Variants in CEP120 observed in about 807,000 individuals in gnomAD.
CEP120 encodes centrosomal protein of 120 kDa.
CEP120 carries 113 observed loss-of-function variants against 126.5 expected under a neutral mutation model. That is an observed-to-expected ratio of 0.89 (90% confidence interval 0.77 to 1.04). CEP120 has a LOEUF of 1.04. CEP120 is among the 50% of genes least tolerant of loss of function. The pLI, the probability that CEP120 is intolerant of heterozygous loss-of-function variation, is 0.00. For missense variants in CEP120, 1,230 were observed against 1,155.7 expected (o/e 1.06, Z -0.93); for synonymous variants, 400 against 394.3 (o/e 1.01, Z -0.17).
intron 1 of CEP120, among the ~76,000 whole-genome samples, chr5:123,419,314 A>G (rs1338855999): frequency 6.6e-6 from 1 of 152,198 alleles, no homozygotes; most frequent in Non-Finnish European, 1.5e-5. Flanking sequence ...GTAAAAACAA[A>G]TTTGCCTGCA....
chr5:123,383,665 A>ACC (rs1771819751), intron 11 of CEP120, among the ~76,000 whole-genome samples: 1 of 152,082 alleles, frequency 6.6e-6, no homozygotes, highest in Admixed American at 6.6e-5. Context: ...TAAATATTTT[A>ACC]CTAGACATAA....
Position 123,394,917 on chromosome 5 carries a change from C to A in CEP120, c.613-1420G>T, listed in dbSNP as rs372614950. Among the ~76,000 whole-genome samples the A allele has an allele frequency of 1.9e-3, 292 of 152,280 alleles. 13 individuals are homozygous for A. The South Asian group carries it at 0.059, about 31-fold the overall frequency. ...ATTACTTAATCACTGTGTGTATGCA[C>A]TTGTTTTAGGGTTGTTGGAAGGATT... On this transcript the variant is annotated intron_variant, in intron 5 of 19. Transcript: ENST00000306467.
upstream of CEP120, chr5:123,423,555 G>T (rs891722807): frequency 6.4e-6 from 1 of 156,948 alleles, no homozygotes; most frequent in African/African-American, 2.4e-5. Flanking sequence ...GGGCGACTTG[G>T]TGTGGGACCA....
chr5:123,347,407 C>G (rs1406455092), intron 19 of CEP120, among the ~76,000 whole-genome samples: 2 of 152,082 alleles, frequency 1.3e-5, no homozygotes, highest in African/African-American at 4.8e-5. Context: ...GAAAAAAATT[C>G]CCTACTATTA....
Position 123,364,573 on chromosome 5 carries a change from C to A in CEP120, c.2503G>T (p.Glu835Ter), listed in dbSNP as rs759784931. 1.2e-6 allele frequency: 2 copies of A among 1,604,846 alleles called. No homozygotes were observed. The highest frequency in any genetic ancestry group is 8.5e-7 in the Non-Finnish European group (1 of 1,174,260). Residue 835 changes from glutamate to a stop codon, truncating the protein, a stop_gained, in exon 18 of 20, where the codon GAA (glutamate) becomes TAA (stop). Coordinates refer to ENST00000306467, the MANE Select transcript of CEP120 (RefSeq NM_001375405.1). LOFTEE classifies it high-confidence loss of function. ...LEKVELERKL[E>*]SATKSKLHYK... ...TGCAGTTTAGACTTAGTTGCAGATTCCAACTTTCTTTCAAGTTCAACCTAA... is the reference window on the plus strand; with the variant it reads ...TGCAGTTTAGACTTAGTTGCAGATTACAACTTTCTTTCAAGTTCAACCTAA...
At chr5:123,355,936 T>G (rs1240035246) in intron 18 of CEP120, among the ~76,000 whole-genome samples, 1 of 150,880 alleles carries the variant, frequency 6.6e-6, no homozygotes, top group South Asian at 2.1e-4. Flanking sequence ...CTTTAATCCA[T>G]CTTGAATTAA....
intron 5 of CEP120, among the ~76,000 whole-genome samples, chr5:123,397,917 C>T (rs544865162): frequency 1.3e-5 from 2 of 152,208 alleles, no homozygotes; most frequent in African/African-American, 4.8e-5. Flanking sequence ...AACCCTGTCT[C>T]TACAAAAAAA....
chr5:123,391,727 T>C (rs1772415153), intron 6 of CEP120, among the ~76,000 whole-genome samples: 1 of 152,208 alleles, frequency 6.6e-6, no homozygotes, highest in Non-Finnish European at 1.5e-5. Flanking sequence ...ACCATTAATT[T>C]AAACACAGTT....
rs1224640988 is a variant in CEP120 at position 123,382,838 on chromosome 5, G to A, written c.1912C>T (p.Pro638Ser). ...CGAGGCTCTGTCTGGATCTCTGAAG[G>A]ACAAGGTGCTGGAGGAAGAGAAGAC... ...KPSSLPPAPC[P>S]SEIQTEPRET... The change falls in exon 13 of 20, where the codon CCT becomes TCT. Residue 638 changes from proline (P) to serine (S), a missense_variant. Physicochemically the swap from Pro to Ser is moderately conservative, Grantham distance 74. Coordinates refer to ENST00000306467, the MANE Select transcript of CEP120 (RefSeq NM_001375405.1). The A allele has an allele frequency of 6.2e-7, 1 of 1,613,448 alleles. No homozygotes were observed. Among genetic ancestry groups the A allele is most frequent in the East Asian group, 2.2e-5 (1 of 44,864 alleles).
At chr5:123,400,511 G>A (rs1410148505) in intron 4 of CEP120, among the ~76,000 whole-genome samples, 1 of 152,030 alleles carries the variant, frequency 6.6e-6, no homozygotes, top group Non-Finnish European at 1.5e-5. Context: ...GAATCTTGCG[G>A]TGCTGGAATG....
At chr5:123,408,578 G>C (rs185928160) in intron 4 of CEP120, among the ~76,000 whole-genome samples, 100 of 152,176 alleles carry the variant, frequency 6.6e-4, no homozygotes, top group Non-Finnish European at 1.2e-3. Flanking sequence ...AGAGTAAATA[G>C]ACAATCTGAA....
At chr5:123,421,320 C>A (rs181797966) in intron 1 of CEP120, among the ~76,000 whole-genome samples, 1 of 152,292 alleles carries the variant, frequency 6.6e-6, no homozygotes, top group African/African-American at 2.4e-5. Context: ...GGTTGGGAAT[C>A]AAGCTGGTCA....
rs769253960 is a variant in CEP120 at position 123,388,486 on chromosome 5, T to C, written c.1376A>G (p.Asp459Gly). The C allele has an allele frequency of 8.1e-6, 13 of 1,608,072 alleles. No homozygotes were observed. The highest frequency in any genetic ancestry group is 1.1e-5 in the Non-Finnish European group (13 of 1,178,000). Residue 459 changes from aspartate (D) to glycine (G), a missense_variant, in exon 9 of 20, where the codon GAC (aspartate) becomes GGC (glycine). Physicochemically the swap from Asp to Gly is moderately conservative, Grantham distance 94. Transcript: ENST00000306467. ...CTCCAAGGCATGTATACTCCTTAAG[T>C]CTATTGAAAAGCAAAAATGATGTGA... ...ATSHHFCFSI[D>G]LRSIHALEIG...
intron 3 of CEP120, among the ~76,000 whole-genome samples, chr5:123,414,102 A>G (rs1202334288): frequency 2.0e-5 from 3 of 152,236 alleles, no homozygotes; most frequent in Non-Finnish European, 2.9e-5. Context: ...TCTCAAGGAC[A>G]AGGGGACAAA....
chr5:123,371,814 A>G (rs1292707499), intron 17 of CEP120, among the ~76,000 whole-genome samples: 1 of 152,120 alleles, frequency 6.6e-6, no homozygotes, highest in Non-Finnish European at 1.5e-5. Flanking sequence ...GAAGCCTTCA[A>G]CACAAAGCTG....
intron 18 of CEP120, among the ~76,000 whole-genome samples, chr5:123,353,733 A>C (rs1769368396): frequency 6.6e-6 from 1 of 151,878 alleles, no homozygotes; most frequent in Non-Finnish European, 1.5e-5. Context: ...TCTTCTTTCA[A>C]ATTCACATGA....
In CEP120 at chr5:123,418,500, T is replaced by C. The variant is rs763850647; in HGVS notation, c.65A>G (p.Lys22Arg). ...VSILEGRHFPKRPKHMLVVEA... is the reference protein window; with the variant it reads ...VSILEGRHFPRRPKHMLVVEA... ...CACTACAAGCATATGCTTTGGACGTTTGGGGAAATGCCGACCTGGAGAAAC... is the reference window on the plus strand; with the variant it reads ...CACTACAAGCATATGCTTTGGACGTCTGGGGAAATGCCGACCTGGAGAAAC... The change falls in exon 2 of 20, where the codon AAA becomes AGA. Residue 22 changes from lysine to arginine, a missense_variant. Lys to Arg is a conservative substitution (Grantham distance 26). Coordinates refer to ENST00000306467, the MANE Select transcript of CEP120 (RefSeq NM_001375405.1). 9.4e-6 allele frequency: 15 copies of C among 1,603,826 alleles called. No homozygotes were observed. Among genetic ancestry groups the C allele is most frequent in the Middle Eastern group, 3.3e-4 (2 of 6,018 alleles).
Position 123,345,969 on chromosome 5 carries a change from G to A in CEP120, c.*550C>T, listed in dbSNP as rs1768784502. ...CTGTATTAACTTTATTTAAATAAAT[G>A]ACCAATCTGTCACCCAACATGTCAT... On this transcript the variant is annotated 3_prime_UTR_variant, in exon 20 of 20. Coordinates refer to ENST00000306467, the MANE Select transcript of CEP120 (RefSeq NM_001375405.1). 1 of 152,268 alleles carries A rather than the reference G, an allele frequency of 6.6e-6. No homozygotes were observed. Among genetic ancestry groups the A allele is most frequent in the African/African-American group, 2.4e-5 (1 of 41,390 alleles). 9.4% of individuals were successfully genotyped at this position (152,268 alleles called of 1,614,324 possible).
At chr5:123,376,341 T>C (rs1403051361) in intron 16 of CEP120, among the ~76,000 whole-genome samples, 1 of 151,950 alleles carries the variant, frequency 6.6e-6, no homozygotes, top group Non-Finnish European at 1.5e-5. Flanking sequence ...ATCCTGTGGT[T>C]GAAGTGAGCA....
Sources: gnomAD v4.1 joint callset for allele counts (sites outside exome capture counted in the v4.1 genomes callset) on GRCh38, gnomAD v4.1.1 for gene constraint, MANE v1.5 for transcripts, NCBI Gene and HGNC (gene_info 2026-07-23, HGNC 2026-07-21) for gene names.